The following PIK3CA variants were observed in gnomAD, a reference collection of about 807,000 sequenced individuals.
PIK3CA encodes the protein phosphatidylinositol-4,5-bisphosphate 3-kinase catalytic subunit alpha, also known as phosphatidylinositol 4,5-bisphosphate 3-kinase catalytic subunit alpha isoform.
PIK3CA carries 27 observed loss-of-function variants against 138.2 expected under a neutral mutation model. That is an observed-to-expected ratio of 0.20 (90% CI 0.14 to 0.27). The LOEUF (loss-of-function observed/expected upper bound fraction) is 0.27, where lower values mean the gene tolerates loss of function less well. PIK3CA is among the 10% of genes least tolerant of loss of function. The pLI, the probability that PIK3CA is intolerant of heterozygous loss-of-function variation, is 1.00. For synonymous variants in PIK3CA, 358 were observed against 413.2 expected (o/e 0.87, Z 1.62); for missense variants, 544 against 1,277.4 (o/e 0.43, Z 8.75).
chr3:179,183,331 TATATC>T (rs1161283897), intron 1 of PIK3CA, among the ~76,000 whole-genome samples: 1 of 152,182 alleles, frequency 6.6e-6, no homozygotes, highest in Non-Finnish European at 1.5e-5. Context: ...ATTTTTACTG[TATATC>T]ATGTCTTTCA....
chr3:179,148,774 C>CT (rs1311144403), intron 1 of PIK3CA, among the ~76,000 whole-genome samples, 171 bp downstream of exon 1: 1 of 152,172 alleles, frequency 6.6e-6, no homozygotes, highest in Non-Finnish European at 1.5e-5. Flanking sequence ...TCTCCCTCGC[C>CT]TGCCTCTGGC....
At chr3:179,158,603 CTT>C (rs1446448555) in intron 1 of PIK3CA, among the ~76,000 whole-genome samples, 1 of 152,022 alleles carries the variant, frequency 6.6e-6, no homozygotes, top group Non-Finnish European at 1.5e-5. Context: ...CTGCTTGTAT[CTT>C]GTTTGTCCAT....
chr3:179,175,238 T>G (rs1411774015), intron 1 of PIK3CA, among the ~76,000 whole-genome samples: 1 of 152,248 alleles, frequency 6.6e-6, no homozygotes, highest in Non-Finnish European at 1.5e-5. Context: ...TATGTGTTAT[T>G]CTACTCCTAC....
intron 1 of PIK3CA, among the ~76,000 whole-genome samples, chr3:179,151,172 T>A (rs1257119136): frequency 6.6e-6 from 1 of 152,248 alleles, no homozygotes; most frequent in Admixed American, 6.5e-5. Flanking sequence ...AGTTATCAAA[T>A]AGTTTTTCTT....
intron 1 of PIK3CA, among the ~76,000 whole-genome samples, chr3:179,154,232 C>T (rs1436562565): frequency 6.6e-6 from 1 of 152,106 alleles, no homozygotes; most frequent in Non-Finnish European, 1.5e-5. Context: ...GCCAGCAGAC[C>T]CAGTACCTGT....
At chr3:179,186,888 G>T (rs1723994979) in intron 1 of PIK3CA, among the ~76,000 whole-genome samples, 1 of 152,106 alleles carries the variant, frequency 6.6e-6, no homozygotes, top group Non-Finnish European at 1.5e-5. Context: ...TTTCATTGAG[G>T]CAACCAGGTG....
intron 1 of PIK3CA, among the ~76,000 whole-genome samples, chr3:179,156,116 A>G (rs1723134841): frequency 6.6e-6 from 1 of 152,178 alleles, no homozygotes; most frequent in African/African-American, 2.4e-5. Flanking sequence ...AGAAGCTAAG[A>G]TCATTTTGTC....
chr3:179,207,668 C>T (rs1358258509), intron 6 of PIK3CA, among the ~76,000 whole-genome samples: 1 of 151,722 alleles, frequency 6.6e-6, no homozygotes, highest in Non-Finnish European at 1.5e-5. Context: ...TACAGGCGCC[C>T]ACCACCACGC....
intron 1 of PIK3CA, among the ~76,000 whole-genome samples, chr3:179,176,606 G>A (rs1267106047): frequency 2.6e-5 from 4 of 152,042 alleles, no homozygotes; most frequent in African/African-American, 9.7e-5. Flanking sequence ...TCACGACTTT[G>A]CTACATCTTG....
At chr3:179,168,549 A>G (rs1156935813) in intron 1 of PIK3CA, among the ~76,000 whole-genome samples, 1 of 151,972 alleles carries the variant, frequency 6.6e-6, no homozygotes, top group Non-Finnish European at 1.5e-5. Flanking sequence ...TATATCTTTA[A>G]TTTCCTTTCT....
intron 1 of PIK3CA, among the ~76,000 whole-genome samples, chr3:179,193,712 C>A (rs577632665): frequency 3.5e-4 from 54 of 152,236 alleles, no homozygotes; most frequent in African/African-American, 1.1e-3. Flanking sequence ...TAACTTATTT[C>A]GATATGTAGA....
chr3:179,210,690 T>C, intron 9 of PIK3CA, 125 bp downstream of exon 9: 1 of 873,322 alleles, frequency 1.1e-6, no homozygotes, highest in Non-Finnish European at 1.8e-6. Context: ...AGGACCAATA[T>C]TGCAATAGAA....
chr3:179,162,032 CT>C (rs1723296443), intron 1 of PIK3CA, among the ~76,000 whole-genome samples: 1 of 151,958 alleles, frequency 6.6e-6, no homozygotes, highest in Admixed American at 6.6e-5. Context: ...CAACGTTTTC[CT>C]TGAAAAATCT....
At chr3:179,201,652 C>CTGGA (rs1320912946) in intron 4 of PIK3CA, 112 bp downstream of exon 4, 1 of 727,110 alleles carries the variant, frequency 1.4e-6, no homozygotes, top group African/African-American at 1.9e-5. Context: ...CTCGCCCAGG[C>CTGGA]TGGAGTGCAG....
At chr3:179,218,769 TTAAA>T (rs1724899779) in intron 10 of PIK3CA, among the ~76,000 whole-genome samples, 1 of 152,136 alleles carries the variant, frequency 6.6e-6, no homozygotes, top group African/African-American at 2.4e-5. Context: ...ACGGGTATAT[TTAAA>T]TAAACCAGTT....
intron 6 of PIK3CA, among the ~76,000 whole-genome samples, chr3:179,207,539 TTTTTC>T (rs1724595567): frequency 9.9e-6 from 1 of 101,354 alleles, no homozygotes; most frequent in South Asian, 3.0e-4. Context: ...ATATCTTTAA[TTTTTC>T]TTTTCTTTTT....
rs1260412492 is a variant in PIK3CA at position 179,186,893 on chromosome 3, C to G, written c.-76-11857C>G. On this transcript the variant is annotated intron_variant, in intron 1 of 20. Transcript: ENST00000263967. ...TTGGTTAAATTTTCATTGAGGCAAC[C>G]AGGTGCATAGACTTCTATTTTCACT... Among the ~76,000 whole-genome samples, 4 of 152,114 alleles carry G rather than the reference C, an allele frequency of 2.6e-5. No homozygotes were observed. The South Asian group carries it at 8.3e-4, about 32-fold the overall frequency.
chr3:179,158,547 C>T (rs778554914), intron 1 of PIK3CA, among the ~76,000 whole-genome samples: 1 of 151,982 alleles, frequency 6.6e-6, no homozygotes, highest in Non-Finnish European at 1.5e-5. Context: ...TCACATAGTC[C>T]TTATATTACA....
chr3:179,234,469 C>A lies in PIK3CA; in HGVS notation c.*105C>A, dbSNP rs1725288763. ...GCATAGGAATTGCACAATCCATGAA[C>A]AGCATTAGAATTTACAGCAAGAACA... On this transcript the variant is annotated 3_prime_UTR_variant, in exon 21 of 21. Coordinates refer to ENST00000263967, the MANE Select transcript of PIK3CA (RefSeq NM_006218.4). This position sits in a 1 kb window ranked among gnomAD's most constrained non-coding sequence, Gnocchi z 5.1. The A allele has an allele frequency of 1.2e-6, 1 of 842,276 alleles. No homozygotes were observed. Among genetic ancestry groups the A allele is most frequent in the Non-Finnish European group, 1.8e-6 (1 of 550,870 alleles). 52.2% of individuals were successfully genotyped at this position (842,276 alleles called of 1,614,324 possible). A position where few individuals can be genotyped will look rare whatever the true frequency, so the allele number is the denominator to read the frequency against.
Sources: gnomAD v4.1 joint callset for allele counts (sites outside exome capture counted in the v4.1 genomes callset) on GRCh38, gnomAD v4.1.1 for gene constraint, Gnocchi (gnomAD v3.1) non-coding constraint, MANE v1.5 for transcripts, NCBI Gene and HGNC (gene_info 2026-07-23, HGNC 2026-07-21) for gene names.